Variants in SLC2A13 observed in about 807,000 individuals in gnomAD.
SLC2A13 encodes proton myo-inositol cotransporter.
A neutral mutation model predicts 64.4 loss-of-function variants in SLC2A13; 32 were observed. The observed-to-expected ratio is 0.50, with a 90% CI of 0.37 to 0.67. The LOEUF is 0.67. Ranked by LOEUF, SLC2A13 falls within the 30% of genes least tolerant of loss-of-function variation. The pLI, the probability that SLC2A13 is intolerant of heterozygous loss-of-function variation, is 0.00. For missense variants in SLC2A13, 743 were observed against 829.2 expected, an observed-to-expected ratio of 0.90 and a Z score of 1.28; for synonymous variants, 338 against 327.1, an observed-to-expected ratio of 1.03 and a Z score of -0.36.
At chr12:39,981,439 A>G (rs1031378177) in intron 3 of SLC2A13, among the ~76,000 whole-genome samples, 2,036 of 151,888 alleles carry the variant, frequency 0.013, 37 homozygotes, top group African/African-American at 0.046. Context: ...CAAGACTAAT[A>G]AAGAAAAAAA....
chr12:40,038,916 T>G (rs1948035533), intron 2 of SLC2A13, among the ~76,000 whole-genome samples: 1 of 144,150 alleles, frequency 6.9e-6, no homozygotes, highest in Admixed American at 6.8e-5. Context: ...TTTATCTAGT[T>G]GTTCTATCGT....
At chr12:39,821,821 T>C (rs1026466210) in intron 7 of SLC2A13, among the ~76,000 whole-genome samples, 7 of 152,150 alleles carry the variant, frequency 4.6e-5, no homozygotes, top group Non-Finnish European at 7.4e-5. Flanking sequence ...AATCCTTCCC[T>C]TGGGAGTGGT....
intron 4 of SLC2A13, among the ~76,000 whole-genome samples, chr12:39,878,755 G>A (rs1045712505): frequency 1.3e-5 from 2 of 152,196 alleles, no homozygotes; most frequent in Non-Finnish European, 2.9e-5. Context: ...AAGCTTTTTT[G>A]GGAGAGGAAT....
At chr12:39,926,055 T>C (rs1051116444) in intron 4 of SLC2A13, among the ~76,000 whole-genome samples, 3 of 152,168 alleles carry the variant, frequency 2.0e-5, no homozygotes, top group Non-Finnish European at 2.9e-5. Context: ...TAAGCTTTTA[T>C]ATTTGGTTAA....
At chr12:39,879,386 G>T (rs1944285727) in intron 4 of SLC2A13, among the ~76,000 whole-genome samples, 1 of 152,206 alleles carries the variant, frequency 6.6e-6, no homozygotes, top group South Asian at 2.1e-4. Flanking sequence ...AAAGCCATAG[G>T]CATTCAACTT....
At position 39,951,324 on chromosome 12, in the gene SLC2A13, G is replaced by A. The variant is rs201171876; in HGVS notation, c.967C>T (p.Arg323Cys). 1.5e-5 allele frequency: 24 copies of A among 1,611,064 alleles called. No individual in the cohort carries two copies. The East Asian group carries it at 2.2e-4, about 15-fold the overall frequency. Residue 323 changes from arginine (R) to cysteine (C), a missense_variant, in exon 4 of 10, where the codon CGC becomes TGC. Coordinates refer to ENST00000280871, the MANE Select transcript of SLC2A13 (RefSeq NM_052885.4). The part of the protein sequence containing the change: ...ICRMLSYPPT[R>C]RALIVGCGLQ... Reference sequence around the variant, plus strand: ...CCACAACCCACAATTAAAGCTCGGCGAGTTGGGGGATAACTCAGCATTCTG... The same window carrying A: ...CCACAACCCACAATTAAAGCTCGGCAAGTTGGGGGATAACTCAGCATTCTG...
At chr12:39,860,078 T>C (rs889120545) in intron 6 of SLC2A13, among the ~76,000 whole-genome samples, 5 of 152,220 alleles carry the variant, frequency 3.3e-5, no homozygotes, top group Admixed American at 1.3e-4. Flanking sequence ...GTTGGTTTCA[T>C]ATTAACAATA....
intron 4 of SLC2A13, among the ~76,000 whole-genome samples, chr12:39,896,468 A>C (rs895121864): frequency 7.6e-5 from 11 of 144,350 alleles, no homozygotes; most frequent in Admixed American, 4.3e-4. Context: ...ATATGTATAC[A>C]TATATGTATA....
intron 3 of SLC2A13, among the ~76,000 whole-genome samples, chr12:40,003,453 C>T (rs890732548): frequency 3.3e-5 from 5 of 152,118 alleles, no homozygotes; most frequent in Non-Finnish European, 5.9e-5. Context: ...AAAACTCAAC[C>T]GTCAGAGGTG....
At chr12:39,783,035 G>A (rs976295385) in intron 7 of SLC2A13, among the ~76,000 whole-genome samples, 6 of 151,632 alleles carry the variant, frequency 4.0e-5, no homozygotes. Context: ...CCCACCCCAC[G>A]ACAGGCCCTG....
chr12:39,991,377 G>A (rs554247768), intron 3 of SLC2A13, among the ~76,000 whole-genome samples: 22 of 152,170 alleles, frequency 1.4e-4, no homozygotes, highest in African/African-American at 4.6e-4. Flanking sequence ...ATCATCTTCC[G>A]TGTTCACCCC....
intron 3 of SLC2A13, among the ~76,000 whole-genome samples, chr12:39,965,932 A>G (rs866881957): frequency 1.3e-5 from 2 of 152,218 alleles, no homozygotes; most frequent in Middle Eastern, 3.4e-3. Context: ...CATATCCCTG[A>G]GTGCTCAGAT....
chr12:40,025,111 G>GA (rs1441283441), intron 3 of SLC2A13, among the ~76,000 whole-genome samples: 1 of 152,060 alleles, frequency 6.6e-6, no homozygotes, highest in Non-Finnish European at 1.5e-5. Flanking sequence ...AACTATAGTG[G>GA]AAAAAAACAC....
intron 4 of SLC2A13, among the ~76,000 whole-genome samples, chr12:39,878,942 C>T (rs1315546304): frequency 6.6e-6 from 1 of 152,250 alleles, no homozygotes; most frequent in Non-Finnish European, 1.5e-5. Flanking sequence ...TGTAGGCCAG[C>T]CCAGAGCCTA....
chr12:40,060,755 A>G (rs1032800494), intron 1 of SLC2A13, among the ~76,000 whole-genome samples: 2 of 152,184 alleles, frequency 1.3e-5, no homozygotes, highest in African/African-American at 2.4e-5. Flanking sequence ...GGAAATTCTG[A>G]AAGTGTATTT....
intron 1 of SLC2A13, among the ~76,000 whole-genome samples, chr12:40,058,597 T>C (rs1948370530): frequency 6.6e-6 from 1 of 152,170 alleles, no homozygotes. Flanking sequence ...CAAAATTATT[T>C]TAATGGACTT....
intron 7 of SLC2A13, among the ~76,000 whole-genome samples, chr12:39,823,724 C>T (rs1409091034): frequency 6.6e-6 from 1 of 152,190 alleles, no homozygotes; most frequent in Non-Finnish European, 1.5e-5. Flanking sequence ...GCTGGGACTA[C>T]AGGAATGTGC....
chr12:39,966,172 A>G (rs922772955), intron 3 of SLC2A13, among the ~76,000 whole-genome samples: 2 of 151,232 alleles, frequency 1.3e-5, no homozygotes, highest in Admixed American at 6.6e-5. Flanking sequence ...GTGTGTGTAG[A>G]GAGAGAGAGA....
At chr12:39,949,258 G>A (rs962957266) in intron 4 of SLC2A13, among the ~76,000 whole-genome samples, 1 of 152,132 alleles carries the variant, frequency 6.6e-6, no homozygotes, top group African/African-American at 2.4e-5. Context: ...ATTAATTTAT[G>A]CAGGAAGTTG....
Sources: gnomAD v4.1 joint callset for allele counts (sites outside exome capture counted in the v4.1 genomes callset) on GRCh38, gnomAD v4.1.1 for gene constraint, MANE v1.5 for transcripts, NCBI Gene and HGNC (gene_info 2026-07-23, HGNC 2026-07-21) for gene names.